Variants in UFSP2 observed in about 807,000 individuals in gnomAD.
UFSP2 encodes ufm1-specific protease 2.
In UFSP2, 43 loss-of-function variants were observed where a neutral mutation model predicts 60.2. The observed-to-expected ratio is 0.71, with a 90% CI of 0.56 to 0.92. The LOEUF (loss-of-function observed/expected upper bound fraction) is 0.92, where lower values mean the gene tolerates loss of function less well. Among genes scored for constraint, UFSP2 ranks in the 40% least tolerant of loss-of-function variants. The pLI is 0.00. For synonymous variants in UFSP2, 183 were observed against 195.1 expected (o/e 0.94, Z 0.52); for missense variants, 520 against 575.0 (o/e 0.90, Z 0.98).
At chr4:185,411,663 G>A in intron 7 of UFSP2, among the ~76,000 whole-genome samples, 1 of 152,156 alleles carries the variant, frequency 6.6e-6, no homozygotes, top group East Asian at 1.9e-4. Flanking sequence ...AAATGGTTCA[G>A]AGGGGGAAAA....
In UFSP2 at chr4:185,400,129, G is replaced by A. The variant is rs1288166469; in HGVS notation, c.*263C>T. 80 of 1,031,524 alleles carry A rather than the reference G, an allele frequency of 7.8e-5. No individual in the cohort carries two copies. Among genetic ancestry groups the A allele is most frequent in the Admixed American group, 5.0e-5 (2 of 39,718 alleles). The allele number at this position is 1,031,524 out of a possible 1,614,324, so 63.9% of individuals were successfully genotyped here. A position where few individuals can be genotyped will look rare whatever the true frequency, so the allele number is the denominator to read the frequency against. On this transcript the variant is annotated 3_prime_UTR_variant, in exon 12 of 12. Transcript: ENST00000264689. ...TGTCTAATCTCCTTCTGAGAAGGAC[G>A]AAAAACTTTCTTCCAAGTGAAGATC...
chr4:185,408,353 C>T lies in UFSP2; in HGVS notation c.914G>A (p.Arg305Gln), dbSNP rs757058971. 21 of 1,613,922 alleles carry T rather than the reference C, an allele frequency of 1.3e-5. No individual in the cohort carries two copies. The highest frequency in any genetic ancestry group is 1.2e-4 in the South Asian group (11 of 91,082). Residue 305 changes from arginine to glutamine, a missense_variant, in exon 8 of 12, where the codon CGA (arginine) becomes CAA (glutamine). Arg to Gln is a conservative substitution (Grantham distance 43, BLOSUM62 1). Transcript: ENST00000264689. ...CCAAGAGCAGATAGTCTGCAGAGAT[C>T]GATAAGCACAGCCCCAGCCATTGTC... ...IDDNGWGCAYRSLQTICSWFK... is the reference protein window; with the variant it reads ...IDDNGWGCAYQSLQTICSWFK...
chr4:185,423,654 G>A (rs1199920653), intron 1 of UFSP2, among the ~76,000 whole-genome samples: 1 of 152,156 alleles, frequency 6.6e-6, no homozygotes, highest in South Asian at 2.1e-4. Context: ...CTTATAAAGG[G>A]AAAAGAGCAC....
chr4:185,414,060 C>T (rs1463218955), intron 6 of UFSP2, among the ~76,000 whole-genome samples, 188 bp from the exon 7 acceptor site: 1 of 152,038 alleles, frequency 6.6e-6, no homozygotes, highest in South Asian at 2.1e-4. Flanking sequence ...GATTTATTTT[C>T]GTTTACGTCT....
Position 185,413,747 on chromosome 4 carries a change from T to G in UFSP2, c.810A>C (p.Pro270=). ...YIRNPHTYLN[P]PNMETGMIYV... is the part of the protein sequence containing the mutation. ...TCACCATACCAGTCTCCATGTTAGG[T>G]GGATTAAGGTAAGTATGTGGATTTC... The change falls in exon 7 of 12, where the codon CCA becomes CCC. Residue 270 remains proline, a synonymous_variant. Coordinates refer to ENST00000264689, the MANE Select transcript of UFSP2 (RefSeq NM_018359.5). 1.2e-6 allele frequency: 2 copies of G among 1,611,968 alleles called. No homozygotes were observed. The highest frequency in any genetic ancestry group is 1.7e-6 in the Non-Finnish European group (2 of 1,179,328).
chr4:185,418,069 A>ACACACACACACACACACACACACACACAC (rs1422329406), intron 4 of UFSP2, among the ~76,000 whole-genome samples: 2 of 22,782 alleles, frequency 8.8e-5, no homozygotes, highest in African/African-American at 3.8e-4. Context: ...CACACACACA[A>ACACACACACACACACACACACACACACAC]ACAACAGAAC....
chr4:185,405,173 T>TG lies in UFSP2; in HGVS notation c.1198+606_1198+607insC, dbSNP rs201245714. 2.9e-3 allele frequency among the ~76,000 whole-genome samples: 413 copies of TG among 141,672 alleles called. 13 individuals are homozygous for TG. The East Asian group carries it at 0.068, about 23-fold the overall frequency. 92.9% of individuals were successfully genotyped at this position (141,672 alleles called of 152,430 possible). A position where few individuals can be genotyped will look rare whatever the true frequency, so the allele number is the denominator to read the frequency against. ...ACTACCATGCCAGCTAATTTGTGTG[T>TG]TTTTTTTTTTTTGGTAGAGACGCGG... On this transcript the variant is annotated intron_variant, in intron 10 of 11. Transcript: ENST00000264689.
intron 5 of UFSP2, 40 bp from the exon 6 acceptor site, chr4:185,415,387 A>C: frequency 6.8e-7 from 1 of 1,474,884 alleles, no homozygotes; most frequent in Non-Finnish European, 9.1e-7. Context: ...CAAAAGTTAT[A>C]GTGACTACAA....
At chr4:185,420,950 TTATAG>T (rs1180932660) in intron 2 of UFSP2, among the ~76,000 whole-genome samples, 1 of 152,260 alleles carries the variant, frequency 6.6e-6, no homozygotes, top group African/African-American at 2.4e-5. Context: ...TGGAATAAGA[TTATAG>T]TAAAGTATGT....
intron 1 of UFSP2, 40 bp from the exon 2 acceptor site, chr4:185,422,603 CA>C: frequency 7.5e-7 from 1 of 1,337,716 alleles, no homozygotes; most frequent in Non-Finnish European, 1.0e-6. Flanking sequence ...CCTTGTAAAA[CA>C]AAACAAACTC....
At chr4:185,402,371 CACTT>C (rs1407487942) in intron 11 of UFSP2, 10 of 447,942 alleles carry the variant, frequency 2.2e-5, no homozygotes, top group Middle Eastern at 7.0e-4. Flanking sequence ...GAAAAAAAAA[CACTT>C]AAAACTGTAA....
At chr4:185,408,505 GA>G in intron 7 of UFSP2, 70 bp from the exon 8 acceptor site, 2 of 1,449,504 alleles carry the variant, frequency 1.4e-6, no homozygotes, top group Non-Finnish European at 9.5e-7. Flanking sequence ...ATATGCTCCC[GA>G]ATTATGTTTA....
intron 2 of UFSP2, 75 bp downstream of exon 2, chr4:185,422,410 T>G: frequency 9.0e-7 from 1 of 1,111,654 alleles, no homozygotes; most frequent in South Asian, 1.4e-5. Context: ...CTCAGTTTCA[T>G]TTGCAAAGTG....
At chr4:185,422,689 G>C in intron 1 of UFSP2, 126 bp from the exon 2 acceptor site, 1 of 669,764 alleles carries the variant, frequency 1.5e-6, no homozygotes. Flanking sequence ...TATTTCATGA[G>C]TTAATTCCTT....
Position 185,399,731 on chromosome 4 carries a change from GT to G in UFSP2, c.*660del. On this transcript the variant is annotated 3_prime_UTR_variant, in exon 12 of 12. Transcript: ENST00000264689. ...GTTGCCGTGCTCAGACAGAAACGGA[GT>G]CTCGGAAGTGTAGAAAATACCAGTG... The G allele has an allele frequency of 6.2e-7, 1 of 1,614,130 alleles. No homozygotes were observed. The highest frequency in any genetic ancestry group is 8.5e-7 in the Non-Finnish European group (1 of 1,180,018).
At chr4:185,413,006 T>C (rs2153285517) in intron 7 of UFSP2, among the ~76,000 whole-genome samples, 1 of 152,258 alleles carries the variant, frequency 6.6e-6, no homozygotes, top group South Asian at 2.1e-4. Context: ...TAGTTCCTCA[T>C]TAGACTTATC....
At chr4:185,415,912 CTAAATA>C in intron 4 of UFSP2, 45 bp from the exon 5 acceptor site, 9 of 1,459,744 alleles carry the variant, frequency 6.2e-6, no homozygotes, top group African/African-American at 1.4e-5. Flanking sequence ...GCATTAAACA[CTAAATA>C]TAAAGAGTAA....
intron 1 of UFSP2, among the ~76,000 whole-genome samples, chr4:185,424,442 C>A (rs2095555399): frequency 6.6e-6 from 1 of 152,196 alleles, no homozygotes; most frequent in Non-Finnish European, 1.5e-5. Flanking sequence ...TGTCACATTT[C>A]TATAAGGGTC....
Position 185,408,850 on chromosome 4 carries a change from C to T in UFSP2, c.832-415G>A, listed in dbSNP as rs141684609. Among the ~76,000 whole-genome samples the T allele has an allele frequency of 7.3e-3, 1,118 of 152,278 alleles. 7 individuals carry two copies. The highest frequency in any genetic ancestry group is 0.012 in the Non-Finnish European group (833 of 68,010). On this transcript the variant is annotated intron_variant, in intron 7 of 11. Coordinates refer to ENST00000264689, the MANE Select transcript of UFSP2 (RefSeq NM_018359.5). ...TTAGATGTCAAAGGTCTTCCTTGAC[C>T]ATCCAGTCTACAAACGGCCCACTCA...
Sources: allele counts gnomAD v4.1 joint callset (sites outside exome capture counted in the v4.1 genomes callset), GRCh38; gene constraint gnomAD v4.1.1; transcripts MANE v1.5; gene names NCBI Gene and HGNC (gene_info 2026-07-23, HGNC 2026-07-21).